Variants in NFIB observed in about 807,000 individuals in gnomAD.
NFIB encodes nuclear factor I B.
NFIB carries 11 observed loss-of-function variants against 61.5 expected under a neutral mutation model. The ratio of observed to expected loss-of-function variants is 0.18; its 90% confidence interval spans 0.11 to 0.30. NFIB has a LOEUF of 0.30. NFIB is among the 10% of genes least tolerant of loss of function. The pLI is 1.00. For missense variants in NFIB, 471 were observed against 608.9 expected (o/e 0.77, Z 2.38); for synonymous variants, 260 against 216.5 (o/e 1.20, Z -1.76).
Position 14,382,057 on chromosome 9 carries a change from G to A in NFIB, c.108+16467C>T, listed in dbSNP as rs141222533. On this transcript the variant is annotated intron_variant, in intron 1 of 8. Coordinates refer to the NFIB transcript ENST00000380934. ...AGGGAAGTTAAAATAGGCCCTTGTA[G>A]TTTGCTTTCGACTAGCTTGTCTCTC... Among the ~76,000 whole-genome samples the A allele has an allele frequency of 7.0e-4, 106 of 152,246 alleles. 1 individual carries two copies. Among genetic ancestry groups the A allele is most frequent in the African/African-American group, 2.5e-3 (102 of 41,540 alleles).
chr9:14,458,604 A>G, the NFIB span, among the ~76,000 whole-genome samples: 1 of 152,240 alleles, frequency 6.6e-6, no homozygotes, highest in Non-Finnish European at 1.5e-5. Context: ...ACATGATTGT[A>G]TATCTAGAAG....
chr9:14,265,266 G>A (rs1588018580), intron 2 of NFIB, among the ~76,000 whole-genome samples: 1 of 152,192 alleles, frequency 6.6e-6, no homozygotes, highest in Non-Finnish European at 1.5e-5. Flanking sequence ...CAGACTGAAT[G>A]TTTATGTCCC....
At chr9:14,259,477 C>T (rs1383467672) in intron 2 of NFIB, among the ~76,000 whole-genome samples, 1 of 152,176 alleles carries the variant, frequency 6.6e-6, no homozygotes, top group Non-Finnish European at 1.5e-5. Context: ...AGCAAAAGAT[C>T]CTATGGCTGA....
chr9:14,234,653 C>T (rs2053557203), intron 2 of NFIB, among the ~76,000 whole-genome samples: 1 of 133,926 alleles, frequency 7.5e-6, no homozygotes, highest in South Asian at 2.6e-4. Flanking sequence ...TGAGCCACTG[C>T]ACTTGGTCTA....
At chr9:14,486,323 GAC>G in the NFIB span, among the ~76,000 whole-genome samples, 1 of 152,242 alleles carries the variant, frequency 6.6e-6, no homozygotes, top group East Asian at 1.9e-4. Flanking sequence ...AGGAGGAAGA[GAC>G]TAGATAGTCC....
At chr9:14,424,840 C>T in the NFIB span, among the ~76,000 whole-genome samples, 1 of 152,058 alleles carries the variant, frequency 6.6e-6, no homozygotes, top group Non-Finnish European at 1.5e-5. Context: ...GTGGAGTGGA[C>T]AGAATTTTAC....
intron 4 of NFIB, among the ~76,000 whole-genome samples, chr9:14,152,884 G>A (rs943820387): frequency 6.6e-6 from 1 of 151,944 alleles, no homozygotes; most frequent in South Asian, 2.1e-4. Context: ...GGGAGGTGAG[G>A]AGATGAAGAG....
At chr9:14,252,666 C>CTAT (rs2055771349) in intron 2 of NFIB, among the ~76,000 whole-genome samples, 3 of 145,806 alleles carry the variant, frequency 2.1e-5, no homozygotes, top group Non-Finnish European at 4.5e-5. Flanking sequence ...TCTGTTACTA[C>CTAT]TGGATACATC....
chr9:14,389,365 C>A (rs1202369426), intron 1 of NFIB, among the ~76,000 whole-genome samples: 1 of 152,100 alleles, frequency 6.6e-6, no homozygotes, highest in Non-Finnish European at 1.5e-5. Flanking sequence ...TTCATCCAAG[C>A]ACCACAAATT....
At chr9:14,272,421 T>C (rs531404267) in intron 2 of NFIB, among the ~76,000 whole-genome samples, 76 of 152,268 alleles carry the variant, frequency 5.0e-4, no homozygotes, top group South Asian at 8.3e-4. Flanking sequence ...TAACATGATA[T>C]TTGCATGAAT....
At chr9:14,181,830 A>G (rs1253589362) in intron 2 of NFIB, among the ~76,000 whole-genome samples, 2 of 152,188 alleles carry the variant, frequency 1.3e-5, no homozygotes, top group Non-Finnish European at 2.9e-5. Flanking sequence ...CAAGGTGGCT[A>G]ATGCCAAGCT....
chr9:14,322,434 G>A, intron 1 of NFIB: 1 of 232,700 alleles, frequency 4.3e-6, no homozygotes. Context: ...GGGGTCGCGC[G>A]ATCGCCCCTT....
At chr9:14,239,971 T>TA (rs2054182457) in intron 2 of NFIB, among the ~76,000 whole-genome samples, 1 of 151,938 alleles carries the variant, frequency 6.6e-6, no homozygotes, top group Non-Finnish European at 1.5e-5. Context: ...AAGGAATGAG[T>TA]AAAAAATGTA....
At chr9:14,187,044 TG>T (rs2047439382) in intron 2 of NFIB, among the ~76,000 whole-genome samples, 2 of 140,344 alleles carry the variant, frequency 1.4e-5, no homozygotes, top group African/African-American at 5.7e-5. Flanking sequence ...TGTGTGTGTG[TG>T]TGTGTGTGTG....
intron 2 of NFIB, among the ~76,000 whole-genome samples, chr9:14,300,577 G>A (rs1449100512): frequency 6.6e-6 from 1 of 152,172 alleles, no homozygotes; most frequent in Non-Finnish European, 1.5e-5. Flanking sequence ...ATTTTAATGA[G>A]TGTTTCATGT....
intron 6 of NFIB, among the ~76,000 whole-genome samples, chr9:14,126,168 AG>A: frequency 6.6e-6 from 1 of 152,328 alleles, no homozygotes; most frequent in East Asian, 1.9e-4. Flanking sequence ...AACAACCTTC[AG>A]GTATGTTGGT....
chr9:14,347,345 C>T, intron 1 of NFIB: 1 of 152,290 alleles, frequency 6.6e-6, no homozygotes, highest in Non-Finnish European at 1.5e-5. Context: ...CCGCGCGCTC[C>T]CACCCTCAAG....
chr9:14,197,906 G>A (rs2048630608), intron 2 of NFIB, among the ~76,000 whole-genome samples: 1 of 152,104 alleles, frequency 6.6e-6, no homozygotes, highest in Non-Finnish European at 1.5e-5. Flanking sequence ...AGCATATCTC[G>A]AGGTACAAAA....
the NFIB span, among the ~76,000 whole-genome samples, chr9:14,452,594 T>A: frequency 9.8e-5 from 15 of 152,308 alleles, no homozygotes; most frequent in East Asian, 3.9e-4. Context: ...GGTACAGTCA[T>A]CTACAGGTCA....
Sources: gnomAD v4.1 joint callset for allele counts (sites outside exome capture counted in the v4.1 genomes callset) on GRCh38, gnomAD v4.1.1 for gene constraint, MANE v1.5 for transcripts, NCBI Gene and HGNC (gene_info 2026-07-23, HGNC 2026-07-21) for gene names.